Variants in EMSY observed in about 807,000 individuals in gnomAD.
EMSY encodes BRCA2-interacting transcriptional repressor EMSY.
Under a neutral mutation model 134.6 loss-of-function variants are expected in EMSY, and 26 were observed. The observed-to-expected ratio is 0.19, with a 90% confidence interval of 0.14 to 0.27. The LOEUF is 0.27. EMSY is among the 10% of genes least tolerant of loss of function. EMSY has a pLI of 1.00. For missense variants in EMSY, 1,305 were observed against 1,611.4 expected, an observed-to-expected ratio of 0.81 and a Z score of 3.26; for synonymous variants, 579 against 577.8, an observed-to-expected ratio of 1.00 and a Z score of -0.03.
At chr11:76,472,608 C>T (rs1948617917) in exon 8 of EMSY, 1 of 1,614,032 alleles carries the variant, frequency 6.2e-7, no homozygotes, top group Non-Finnish European at 8.5e-7. Context: ...TCGTGCCCAA[C>T]ATTCTCTCCA....
At chr11:76,522,341 C>T (rs934938341) in intron 11 of EMSY, among the ~76,000 whole-genome samples, 4 of 92,244 alleles carry the variant, frequency 4.3e-5, no homozygotes, top group Non-Finnish European at 6.9e-5. Flanking sequence ...TTTTGTATAT[C>T]GTTTACTTTG....
chr11:76,532,167 G>C (rs1951065328), intron 14 of EMSY, among the ~76,000 whole-genome samples: 1 of 152,190 alleles, frequency 6.6e-6, no homozygotes, highest in Non-Finnish European at 1.5e-5. Flanking sequence ...AGCTTCTCAA[G>C]CTTAAAGATC....
intron 4 of EMSY, 138 bp downstream of exon 5, chr11:76,454,928 C>G (rs537114651): frequency 1.9e-5 from 12 of 628,054 alleles, no homozygotes; most frequent in Non-Finnish European, 2.8e-5. Flanking sequence ...CCCTCCTCCC[C>G]CTCCTAATAC....
At chr11:76,472,903 G>A (rs1265783871) in intron 8 of EMSY, 63 bp downstream of exon 9, 1 of 1,554,538 alleles carries the variant, frequency 6.4e-7, no homozygotes, top group East Asian at 2.3e-5. Context: ...AAGAAAACTT[G>A]GTGGGTATGT....
chr11:76,475,663 G>A (rs1020141455), intron 8 of EMSY, among the ~76,000 whole-genome samples: 29 of 152,334 alleles, frequency 1.9e-4, no homozygotes, highest in African/African-American at 7.0e-4. Context: ...GATGTTATTA[G>A]TACTAAGAAA....
intron 4 of EMSY, among the ~76,000 whole-genome samples, chr11:76,455,415 TCTC>T (rs779791328): frequency 6.6e-6 from 1 of 152,098 alleles, no homozygotes; most frequent in Non-Finnish European, 1.5e-5. Context: ...ATTCTTTCCA[TCTC>T]CTCTGCCCTC....
chr11:76,546,681 A>G (rs988934870), intron 20 of EMSY, among the ~76,000 whole-genome samples: 2 of 152,206 alleles, frequency 1.3e-5, no homozygotes, highest in African/African-American at 4.8e-5. Flanking sequence ...AAATTCTGGA[A>G]TGTAACTGGA....
chr11:76,516,011 T>TCTTG, intron 10 of EMSY, 131 bp from the exon 12 acceptor site: 3 of 740,688 alleles, frequency 4.1e-6, no homozygotes. Flanking sequence ...TAAATTAATG[T>TCTTG]CTTGACACCT....
At chr11:76,463,600 G>T (rs183851829) in intron 6 of EMSY, among the ~76,000 whole-genome samples, 1 of 144,580 alleles carries the variant, frequency 6.9e-6, no homozygotes, top group Admixed American at 7.0e-5. Flanking sequence ...TCCGCAGTCC[G>T]GCCTGGGTGA....
chr11:76,499,111 A>G (rs1565319784), intron 9 of EMSY, among the ~76,000 whole-genome samples: 1 of 151,588 alleles, frequency 6.6e-6, no homozygotes, highest in Non-Finnish European at 1.5e-5. Context: ...ACAGGTGCAC[A>G]CTACCACGCC....
At chr11:76,524,984 T>G (rs1950794039) in intron 12 of EMSY, among the ~76,000 whole-genome samples, 1 of 152,170 alleles carries the variant, frequency 6.6e-6, no homozygotes, top group Non-Finnish European at 1.5e-5. Context: ...GCCACTGTAC[T>G]CCAGCCTGGG....
chr11:76,510,529 G>A (rs935445082), intron 9 of EMSY, among the ~76,000 whole-genome samples: 2 of 152,280 alleles, frequency 1.3e-5, no homozygotes, highest in African/African-American at 2.4e-5. Flanking sequence ...GTAAGGGGTT[G>A]GGGAGCAGCC....
intron 8 of EMSY, among the ~76,000 whole-genome samples, chr11:76,494,675 C>G (rs1489638030): frequency 2.1e-5 from 1 of 47,204 alleles, no homozygotes; most frequent in Non-Finnish European, 4.6e-5. Context: ...TCCTTCCTTC[C>G]TTCCTTCCTT....
chr11:76,528,510 T>A, intron 14 of EMSY, 44 bp downstream of exon 15: 1 of 1,437,794 alleles, frequency 7.0e-7, no homozygotes, highest in South Asian at 1.3e-5. Flanking sequence ...ACTACTGACA[T>A]AGTGCCCAAA....
chr11:76,535,516 C>T (rs1486629726), intron 14 of EMSY, among the ~76,000 whole-genome samples: 2 of 152,136 alleles, frequency 1.3e-5, no homozygotes, highest in East Asian at 1.9e-4. Flanking sequence ...TACACATATG[C>T]GTATCTATTT....
In EMSY at chr11:76,517,213, G is replaced by A. The variant is rs2513519; in HGVS notation, c.1684+901G>A. On this transcript the variant is annotated intron_variant, in intron 11 of 20. Coordinates refer to ENST00000334736, the Ensembl canonical transcript of EMSY. The stretch of plus-strand genomic sequence containing the variant: ...TGATGTTGCTGATAACTCAGGGAGT[G>A]AAAAAAAAAGCAAAGCAGAGCATGA... 5.3e-3 allele frequency among the ~76,000 whole-genome samples: 811 copies of A among 151,720 alleles called. 6 individuals are homozygous for A. The highest frequency in any genetic ancestry group is 0.018 in the African/African-American group (752 of 41,342).
At chr11:76,539,325 T>A (rs1032864724) in intron 16 of EMSY, among the ~76,000 whole-genome samples, 3 of 152,188 alleles carry the variant, frequency 2.0e-5, no homozygotes, top group Admixed American at 1.3e-4. Context: ...TACAGATATT[T>A]GAAGGACATA....
At chr11:76,456,539 T>C (rs940479092) in intron 4 of EMSY, among the ~76,000 whole-genome samples, 1 of 152,216 alleles carries the variant, frequency 6.6e-6, no homozygotes, top group Non-Finnish European at 1.5e-5. Flanking sequence ...AAGCCAAGAA[T>C]ATGCTGAATA....
At chr11:76,519,153 C>T (rs2136218238) in intron 11 of EMSY, among the ~76,000 whole-genome samples, 1 of 151,758 alleles carries the variant, frequency 6.6e-6, no homozygotes, top group South Asian at 2.1e-4. Flanking sequence ...CTACCCCCGC[C>T]TCCCAGGTTC....
Sources: allele counts gnomAD v4.1 joint callset (sites outside exome capture counted in the v4.1 genomes callset), GRCh38; gene constraint gnomAD v4.1.1; transcripts MANE v1.5; gene names NCBI Gene and HGNC (gene_info 2026-07-23, HGNC 2026-07-21).